HS6ST3: variants seen among roughly 807,000 people sequenced by gnomAD.
HS6ST3 encodes heparan-sulfate 6-O-sulfotransferase 3.
Under a neutral mutation model 36.7 loss-of-function variants are expected in HS6ST3, and 12 were observed. The observed-to-expected ratio is 0.33, with a 90% confidence interval of 0.21 to 0.53. The LOEUF (loss-of-function observed/expected upper bound fraction) is 0.53. Ranked by LOEUF, HS6ST3 falls within the 20% of genes least tolerant of loss-of-function variation. The pLI, the probability that HS6ST3 is intolerant of heterozygous loss-of-function variation, is 0.95. For missense variants in HS6ST3, 584 were observed against 640.9 expected, an observed-to-expected ratio of 0.91 and a Z score of 0.96; for synonymous variants, 240 against 257.5, an observed-to-expected ratio of 0.93 and a Z score of 0.65.
At chr13:96,239,231 A>G (rs1267402182) in intron 1 of HS6ST3, among the ~76,000 whole-genome samples, 8 of 152,222 alleles carry the variant, frequency 5.3e-5, no homozygotes, top group Non-Finnish European at 1.2e-4. Flanking sequence ...ATTAATATCT[A>G]TATACGCCCA....
chr13:96,508,504 G>GT (rs1387502476), intron 1 of HS6ST3, among the ~76,000 whole-genome samples: 6 of 152,018 alleles, frequency 3.9e-5, no homozygotes, highest in African/African-American at 1.4e-4. Context: ...CTAATGTGTA[G>GT]TTTTTTGTAT....
chr13:96,195,875 TA>T (rs748980916), intron 1 of HS6ST3, among the ~76,000 whole-genome samples: 4 of 152,118 alleles, frequency 2.6e-5, no homozygotes, highest in Non-Finnish European at 4.4e-5. Context: ...GTAAATGAAA[TA>T]AAGCACCCAG....
At chr13:96,652,682 T>C (rs2056611665) in intron 1 of HS6ST3, among the ~76,000 whole-genome samples, 1 of 152,092 alleles carries the variant, frequency 6.6e-6, no homozygotes, top group African/African-American at 2.4e-5. Context: ...GAATGGAAGA[T>C]TGGATTCAGC....
chr13:96,540,078 A>C (rs2056172033), intron 1 of HS6ST3, among the ~76,000 whole-genome samples: 1 of 152,238 alleles, frequency 6.6e-6, no homozygotes, highest in Non-Finnish European at 1.5e-5. Context: ...CTCTACAGAT[A>C]ACTCTTTCAT....
chr13:96,097,618 G>C (rs1240796760), intron 1 of HS6ST3, among the ~76,000 whole-genome samples: 1 of 151,828 alleles, frequency 6.6e-6, no homozygotes, highest in South Asian at 2.1e-4. Flanking sequence ...CACTTATCTT[G>C]TTTTTGAGTT....
chr13:96,260,953 A>G (rs962702639), intron 1 of HS6ST3, among the ~76,000 whole-genome samples: 3 of 152,092 alleles, frequency 2.0e-5, no homozygotes, highest in Admixed American at 1.3e-4. Context: ...ATTTTCTTAT[A>G]GTTAAGTCTG....
intron 1 of HS6ST3, among the ~76,000 whole-genome samples, chr13:96,238,503 C>T (rs1365237406): frequency 6.6e-6 from 1 of 152,182 alleles, no homozygotes; most frequent in Non-Finnish European, 1.5e-5. Flanking sequence ...TTTGCAAATG[C>T]GACCTCATTC....
chr13:96,701,720 T>G (rs115619787), intron 1 of HS6ST3, among the ~76,000 whole-genome samples: 2,275 of 152,144 alleles, frequency 0.015, 55 homozygotes, highest in African/African-American at 0.051. Context: ...AGCACTTTGG[T>G]AGGCTGAGGC....
intron 1 of HS6ST3, among the ~76,000 whole-genome samples, chr13:96,629,209 A>G (rs770146772): frequency 6.6e-4 from 100 of 152,292 alleles, no homozygotes; most frequent in Middle Eastern, 3.4e-3. Flanking sequence ...CATTTTAACC[A>G]CTGCCCTCCC....
chr13:96,253,075 A>G (rs2054615232), intron 1 of HS6ST3, among the ~76,000 whole-genome samples: 1 of 152,084 alleles, frequency 6.6e-6, no homozygotes, highest in Admixed American at 6.6e-5. Context: ...GCCCATTGGG[A>G]CCACACAGGG....
At chr13:96,538,186 C>T (rs371495904) in intron 1 of HS6ST3, among the ~76,000 whole-genome samples, 2 of 152,216 alleles carry the variant, frequency 1.3e-5, no homozygotes, top group South Asian at 2.1e-4. Flanking sequence ...ACCTTCACTA[C>T]GTGCTCCAAA....
At chr13:96,819,822 G>C (rs914374721) in intron 1 of HS6ST3, among the ~76,000 whole-genome samples, 3 of 152,162 alleles carry the variant, frequency 2.0e-5, no homozygotes, top group Non-Finnish European at 2.9e-5. Flanking sequence ...GGGAGGCTGA[G>C]GTCGGTGGAT....
intron 1 of HS6ST3, among the ~76,000 whole-genome samples, chr13:96,534,848 A>G (rs1487236561): frequency 6.6e-6 from 1 of 152,132 alleles, no homozygotes; most frequent in Admixed American, 6.5e-5. Flanking sequence ...AGCCCCAGCT[A>G]CTTAGGGAGG....
Position 96,185,548 on chromosome 13 carries a change from C to T in HS6ST3, c.707+93979C>T, listed in dbSNP as rs1340533600. Among the ~76,000 whole-genome samples the T allele has an allele frequency of 2.6e-5, 4 of 152,204 alleles. No homozygotes were observed. In the South Asian group the frequency reaches 8.3e-4, roughly 31 times the overall value. Reference sequence around the variant, plus strand: ...AGCTGAGGGCAGAGACCATTTCAAACATTCTGAAGTGCTATGAAAACACAC... The same window carrying T: ...AGCTGAGGGCAGAGACCATTTCAAATATTCTGAAGTGCTATGAAAACACAC... On this transcript the variant is annotated intron_variant, in intron 1 of 1. Coordinates refer to ENST00000376705, the MANE Select transcript of HS6ST3 (RefSeq NM_153456.4).
At chr13:96,703,271 A>C (rs1397937917) in intron 1 of HS6ST3, among the ~76,000 whole-genome samples, 6 of 152,208 alleles carry the variant, frequency 3.9e-5, no homozygotes, top group Non-Finnish European at 7.3e-5. Context: ...ATTGCCCATC[A>C]TTGATGCTTT....
chr13:96,140,445 A>T (rs536900841), intron 1 of HS6ST3, among the ~76,000 whole-genome samples: 1 of 152,170 alleles, frequency 6.6e-6, no homozygotes, highest in East Asian at 1.9e-4. Context: ...TATATTTTTC[A>T]TAGTATGTAG....
At chr13:96,338,394 A>G (rs2055112699) in intron 1 of HS6ST3, among the ~76,000 whole-genome samples, 1 of 152,052 alleles carries the variant, frequency 6.6e-6, no homozygotes, top group Non-Finnish European at 1.5e-5. Context: ...CTCTCTGCAG[A>G]TTTTCACTTA....
intron 1 of HS6ST3, among the ~76,000 whole-genome samples, chr13:96,749,149 C>T (rs1252795735): frequency 2.0e-5 from 3 of 152,088 alleles, no homozygotes; most frequent in African/African-American, 7.2e-5. Flanking sequence ...TTGAGTATTT[C>T]CCCCAGTATC....
intron 1 of HS6ST3, among the ~76,000 whole-genome samples, chr13:96,320,251 T>C (rs1439297681): frequency 1.3e-5 from 2 of 152,172 alleles, no homozygotes; most frequent in African/African-American, 4.8e-5. Context: ...TTGTCTTATA[T>C]TCCCCCCTTT....
Sources: allele counts gnomAD v4.1 joint callset (sites outside exome capture counted in the v4.1 genomes callset), GRCh38; gene constraint gnomAD v4.1.1; transcripts MANE v1.5; gene names NCBI Gene and HGNC (gene_info 2026-07-23, HGNC 2026-07-21).